GALNT2: variants seen among roughly 807,000 people sequenced by gnomAD.
The protein encoded by GALNT2 is polypeptide N-acetylgalactosaminyltransferase 2.
GALNT2 carries 31 observed loss-of-function variants against 81.4 expected under a neutral mutation model. The ratio of observed to expected loss-of-function variants is 0.38; its 90% CI spans 0.29 to 0.51. The LOEUF (loss-of-function observed/expected upper bound fraction) is 0.51, where lower values mean the gene tolerates loss of function less well. Ranked by LOEUF, GALNT2 falls within the 20% of genes least tolerant of loss-of-function variation. The pLI is 0.87. For missense variants in GALNT2, 629 were observed against 765.7 expected (o/e 0.82, Z 2.11); for synonymous variants, 303 against 287.4 (o/e 1.05, Z -0.55).
At chr1:230,098,698 G>A (rs1660319663) in intron 1 of GALNT2, among the ~76,000 whole-genome samples, 1 of 152,124 alleles carries the variant, frequency 6.6e-6, no homozygotes, top group Non-Finnish European at 1.5e-5. Context: ...TGTTTGATCT[G>A]AGGGCAGGAT....
chr1:230,146,058 C>T (rs1661906242), intron 1 of GALNT2, among the ~76,000 whole-genome samples: 2 of 152,198 alleles, frequency 1.3e-5, no homozygotes, highest in South Asian at 4.1e-4. Context: ...CTCTCTGCTT[C>T]TTATTAATCT....
At chr1:230,155,406 A>T (rs1475449159) in intron 1 of GALNT2, among the ~76,000 whole-genome samples, 1 of 152,230 alleles carries the variant, frequency 6.6e-6, no homozygotes, top group East Asian at 1.9e-4. Flanking sequence ...AATCCCGGTC[A>T]TCATTTCAGC....
chr1:230,195,792 C>T (rs554246233), intron 2 of GALNT2, among the ~76,000 whole-genome samples: 1 of 152,132 alleles, frequency 6.6e-6, no homozygotes. Flanking sequence ...GGAGGGAGCG[C>T]TGGGGAGGCA....
At chr1:230,092,934 C>A (rs1340594579) in intron 1 of GALNT2, among the ~76,000 whole-genome samples, 2 of 152,076 alleles carry the variant, frequency 1.3e-5, no homozygotes, top group African/African-American at 4.8e-5. Flanking sequence ...AACACCCACC[C>A]CCATGGAGCC....
In GALNT2 at chr1:230,257,479, G is replaced by A. The variant is rs994620363; in HGVS notation, c.1136+2135G>A. On this transcript the variant is annotated intron_variant, in intron 11 of 15. Transcript: ENST00000366672. This position sits in a 1 kb window ranked among gnomAD's most constrained non-coding sequence, Gnocchi z 4.6. ...TTTAGATACACAAATACTTACCATT[G>A]TGTTACAGTTTCCTCCAGTGTTCAG... 6.6e-6 allele frequency among the ~76,000 whole-genome samples: 1 copy of A among 152,154 alleles called. No homozygotes were observed. Among genetic ancestry groups the A allele is most frequent in the East Asian group, 1.9e-4 (1 of 5,198 alleles).
rs1666381117 is a variant in GALNT2, at chr1:230,279,572, C to A, written c.*114C>A. On this transcript the variant is annotated 3_prime_UTR_variant, in exon 16 of 16. Transcript: ENST00000366672. The surrounding 1 kb of genome is among the most constrained non-coding windows in gnomAD (Gnocchi z 4.6). The stretch of plus-strand genomic sequence containing the variant: ...CGCGAAACTAATATACCTCAGTATT[C>A]CATCATGGTCTGAAAGTCAAACTTC... 1 of 1,307,800 alleles carries A rather than the reference C, an allele frequency of 7.6e-7. No individual in the cohort carries two copies. The highest frequency in any genetic ancestry group is 1.5e-5 in the African/African-American group (1 of 68,008). The allele number at this position is 1,307,800 out of a possible 1,614,324, so 81.0% of individuals were successfully genotyped here.
chr1:230,210,389 GT>G (rs1180935698), intron 3 of GALNT2, among the ~76,000 whole-genome samples: 1 of 152,108 alleles, frequency 6.6e-6, no homozygotes, highest in African/African-American at 2.4e-5. Flanking sequence ...AGAACTGCTT[GT>G]TAAAGAAACA....
intron 1 of GALNT2, among the ~76,000 whole-genome samples, chr1:230,067,887 G>A (rs1177742842): frequency 6.6e-6 from 1 of 152,176 alleles, no homozygotes; most frequent in Non-Finnish European, 1.5e-5. Flanking sequence ...CTGTCACTCC[G>A]CGGGGCGTGG....
intron 10 of GALNT2, among the ~76,000 whole-genome samples, chr1:230,252,843 C>CTTTTTTTTTTTTTTTTTTTTTTTTT (rs58544942): frequency 2.5e-5 from 2 of 78,946 alleles, no homozygotes; most frequent in Non-Finnish European, 4.5e-5. Flanking sequence ...GAGACAACTT[C>CTTTTTTTTTTTTTTTTTTTTTTTTT]TTTTTTTTTT....
chr1:230,192,012 G>A (rs989341617), intron 2 of GALNT2, among the ~76,000 whole-genome samples: 1 of 152,234 alleles, frequency 6.6e-6, no homozygotes, highest in Non-Finnish European at 1.5e-5. Context: ...AACAACAGGT[G>A]ATGCCAGTGT....
intron 1 of GALNT2, among the ~76,000 whole-genome samples, chr1:230,154,049 G>T (rs1662171332): frequency 6.6e-6 from 1 of 152,236 alleles, no homozygotes; most frequent in Non-Finnish European, 1.5e-5. Context: ...GTCTCTGTCA[G>T]ATTAGCTTCT....
chr1:230,073,517 T>C lies in GALNT2; in HGVS notation c.126+6111T>C, dbSNP rs1366523758. 2.6e-5 allele frequency among the ~76,000 whole-genome samples: 4 copies of C among 152,212 alleles called. No individual in the cohort carries two copies. In the East Asian group the frequency reaches 7.7e-4, roughly 29 times the overall value. The stretch of plus-strand genomic sequence containing the variant: ...ACACTGGCATTTTTGCACTTAGTCA[T>C]GTCTACTAGTATGGGCCCCAGAAGC... On this transcript the variant is annotated intron_variant, in intron 1 of 15. Transcript: ENST00000366672.
chr1:230,126,695 G>A (rs1008905313), intron 1 of GALNT2, among the ~76,000 whole-genome samples: 1 of 152,180 alleles, frequency 6.6e-6, no homozygotes. Context: ...AAATGTCAAT[G>A]TTGACAAAAT....
At chr1:230,123,175 AATT>A (rs1661073444) in intron 1 of GALNT2, among the ~76,000 whole-genome samples, 1 of 152,162 alleles carries the variant, frequency 6.6e-6, no homozygotes, top group African/African-American at 2.4e-5. Context: ...CCTTAGGAGA[AATT>A]ATACTTGCCA....
rs556402107 is a variant in GALNT2, at chr1:230,236,053, C to G, written c.414C>G (p.Thr138=). ...RKQWRVDLPA[T]SVVITFHNEA... is the part of the protein sequence containing the mutation. ...AGTGGCGGGTGGATCTGCCGGCCAC[C>G]AGCGTGGTGATCACGTTTCACAATG... Residue 138 remains threonine, a synonymous_variant, in exon 4 of 16, where the codon ACC becomes ACG. Coordinates refer to ENST00000366672, the MANE Select transcript of GALNT2 (RefSeq NM_004481.5). 12 of 1,613,876 alleles carry G rather than the reference C, an allele frequency of 7.4e-6. No individual in the cohort carries two copies. In the Admixed American group the frequency reaches 1.8e-4, roughly 25 times the overall value.
chr1:230,204,298 A>T, intron 3 of GALNT2, among the ~76,000 whole-genome samples: 1 of 151,858 alleles, frequency 6.6e-6, no homozygotes, highest in South Asian at 2.1e-4. Flanking sequence ...CCTCCCGAGT[A>T]TCTGGAATTA....
intron 1 of GALNT2, among the ~76,000 whole-genome samples, chr1:230,122,410 CCTCT>C (rs1425620521): frequency 1.3e-5 from 2 of 152,200 alleles, no homozygotes; most frequent in Non-Finnish European, 2.9e-5. Context: ...CTCCGCTGCT[CCTCT>C]CTCTCCCTCG....
intron 1 of GALNT2, among the ~76,000 whole-genome samples, chr1:230,077,108 G>A (rs1447712152): frequency 6.6e-6 from 1 of 152,190 alleles, no homozygotes; most frequent in African/African-American, 2.4e-5. Flanking sequence ...GTAGATGACT[G>A]TTGGGTAGGG....
rs138479064 is a variant in GALNT2, at chr1:230,092,765, G to A, written c.126+25359G>A. Reference sequence around the variant, plus strand: ...TATATCTCTAAAAAGATTCGAGGCCGCTTATAAGAGAAAGTATATTATGTG... The same window carrying A: ...TATATCTCTAAAAAGATTCGAGGCCACTTATAAGAGAAAGTATATTATGTG... On this transcript the variant is annotated intron_variant, in intron 1 of 15. Transcript: ENST00000366672. Among the ~76,000 whole-genome samples the A allele has an allele frequency of 3.0e-3, 456 of 152,230 alleles. 2 individuals are homozygous for A. Among genetic ancestry groups the A allele is most frequent in the African/African-American group, 0.011 (444 of 41,518 alleles).
Sources: gnomAD v4.1 joint callset for allele counts (sites outside exome capture counted in the v4.1 genomes callset) on GRCh38, gnomAD v4.1.1 for gene constraint, Gnocchi (gnomAD v3.1) non-coding constraint, MANE v1.5 for transcripts, NCBI Gene and HGNC (gene_info 2026-07-23, HGNC 2026-07-21) for gene names.